The following TMEM39A variants were observed in gnomAD, a reference collection of about 807,000 sequenced individuals.
The protein encoded by TMEM39A is suppressor of SQST-1 aggregates in rpl-43 mutants.
Under a neutral mutation model 51.9 loss-of-function variants are expected in TMEM39A, and 19 were observed. The ratio of observed to expected loss-of-function variants is 0.37; its 90% CI spans 0.26 to 0.54. The LOEUF (loss-of-function observed/expected upper bound fraction) is 0.54, where lower values mean the gene tolerates loss of function less well. Ranked by LOEUF, TMEM39A falls within the 20% of genes least tolerant of loss-of-function variation. The pLI, the probability that TMEM39A is intolerant of heterozygous loss-of-function variation, is 0.88. For synonymous variants in TMEM39A, 197 were observed against 220.2 expected, an observed-to-expected ratio of 0.89 and a Z score of 0.93; for missense variants, 433 against 590.5, an observed-to-expected ratio of 0.73 and a Z score of 2.76.
At chr3:119,434,725 C>T (rs1358512117) in intron 8 of TMEM39A, 37 bp downstream of exon 8, 19 of 1,610,902 alleles carry the variant, frequency 1.2e-5, no homozygotes, top group Non-Finnish European at 1.6e-5. Context: ...ACACTTACCC[C>T]TAAGCTTATG....
At chr3:119,442,374 T>C (rs1236738526) in intron 5 of TMEM39A, among the ~76,000 whole-genome samples, 4 of 151,820 alleles carry the variant, frequency 2.6e-5, no homozygotes, top group Non-Finnish European at 5.9e-5. Context: ...TTACTGCTCA[T>C]TGACAGTGTA....
At chr3:119,446,649 A>G (rs2081129301) in intron 5 of TMEM39A, 1 of 162,976 alleles carries the variant, frequency 6.1e-6, no homozygotes. Flanking sequence ...GATCAAAGTA[A>G]TATGACCAAC....
chr3:119,440,999 T>C (rs988356207), intron 5 of TMEM39A, among the ~76,000 whole-genome samples: 4 of 152,214 alleles, frequency 2.6e-5, no homozygotes, highest in Non-Finnish European at 5.9e-5. Context: ...ATCTTTGATA[T>C]TACTACTGTA....
chr3:119,455,720 T>C (rs61324063), intron 3 of TMEM39A, among the ~76,000 whole-genome samples: 2,988 of 152,294 alleles, frequency 0.02, 81 homozygotes, highest in African/African-American at 0.067. Context: ...GCAGTATTTG[T>C]AGGTGACTTT....
At chr3:119,454,515 G>A (rs897065340) in intron 3 of TMEM39A, among the ~76,000 whole-genome samples, 3 of 152,168 alleles carry the variant, frequency 2.0e-5, no homozygotes, top group Non-Finnish European at 4.4e-5. Flanking sequence ...ATATTGGCCG[G>A]GTGCGGTGGC....
At chr3:119,462,808 G>C (rs2081357407) in intron 1 of TMEM39A, among the ~76,000 whole-genome samples, 1 of 150,978 alleles carries the variant, frequency 6.6e-6, no homozygotes. Context: ...GGGGATGCCC[G>C]CTCCAGAAAA....
chr3:119,449,786 A>G (rs1396631578), intron 4 of TMEM39A, among the ~76,000 whole-genome samples: 3 of 152,180 alleles, frequency 2.0e-5, no homozygotes, highest in Non-Finnish European at 4.4e-5. Context: ...TGGTGAAAAA[A>G]CAGCTAAATT....
At chr3:119,443,435 C>A (rs1057227309) in intron 5 of TMEM39A, among the ~76,000 whole-genome samples, 2 of 152,136 alleles carry the variant, frequency 1.3e-5, no homozygotes, top group African/African-American at 4.8e-5. Flanking sequence ...ACAAAGCCAT[C>A]CCAACCTTCA....
rs1167743400 is a variant in TMEM39A, at chr3:119,431,259, T to C, written c.*722A>G. The C allele has an allele frequency of 6.6e-6, 1 of 152,114 alleles. No individual in the cohort carries two copies. The highest frequency in any genetic ancestry group is 1.5e-5 in the Non-Finnish European group (1 of 67,998). The allele number at this position is 152,114 out of a possible 1,614,324, so 9.4% of individuals were successfully genotyped here. A position where few individuals can be genotyped will look rare whatever the true frequency, so the allele number is the denominator to read the frequency against. The stretch of plus-strand genomic sequence containing the variant: ...ATCCAGCCACACATCATCTTCTTCA[T>C]GAATGTGGGCAGTCTAAAGACTTCC... On this transcript the variant is annotated 3_prime_UTR_variant, in exon 9 of 9. Transcript: ENST00000319172.
chr3:119,447,278 C>A, intron 4 of TMEM39A, 106 bp from the exon 5 acceptor site: 2 of 1,173,488 alleles, frequency 1.7e-6, no homozygotes, highest in African/African-American at 1.6e-5. Flanking sequence ...TAAAATGTGT[C>A]TTTAAAAAGT....
chr3:119,441,679 G>A (rs1560012130), intron 5 of TMEM39A, among the ~76,000 whole-genome samples: 1 of 152,196 alleles, frequency 6.6e-6, no homozygotes, highest in Non-Finnish European at 1.5e-5. Flanking sequence ...ACCTAGCTAA[G>A]ATCACTGATG....
chr3:119,437,536 A>AAG (rs1047617148), intron 6 of TMEM39A, among the ~76,000 whole-genome samples: 1 of 151,576 alleles, frequency 6.6e-6, no homozygotes, highest in African/African-American at 2.4e-5. Context: ...AAAAAAAAAA[A>AAG]AAAAGAAAAA....
chr3:119,431,433 G>A lies in TMEM39A; in HGVS notation c.*548C>T, dbSNP rs2080898657. 6.6e-6 allele frequency: 1 copy of A among 152,232 alleles called. No homozygotes were observed. The highest frequency in any genetic ancestry group is 1.5e-5 in the Non-Finnish European group (1 of 68,082). The allele number at this position is 152,232 out of a possible 1,614,324, so 9.4% of individuals were successfully genotyped here. On this transcript the variant is annotated 3_prime_UTR_variant, in exon 9 of 9. Coordinates refer to ENST00000319172, the MANE Select transcript of TMEM39A (RefSeq NM_018266.3). ...AAATGTCACAGGGTAAAATAGACCA[G>A]CTGAGTCCGTATCTTAGAAAGGAAG...
intron 5 of TMEM39A, 45 bp from the exon 6 acceptor site, chr3:119,438,148 A>C: frequency 1.4e-6 from 2 of 1,441,780 alleles, no homozygotes; most frequent in Non-Finnish European, 1.9e-6. Flanking sequence ...ACCACCTAAA[A>C]TCACACCTTA....
chr3:119,436,429 G>A (rs1405255423), intron 7 of TMEM39A, among the ~76,000 whole-genome samples: 2 of 152,184 alleles, frequency 1.3e-5, no homozygotes, highest in African/African-American at 2.4e-5. Flanking sequence ...CTCAGCTGTG[G>A]CAATGAAGAT....
chr3:119,459,228 C>T (rs1246019555), intron 2 of TMEM39A, among the ~76,000 whole-genome samples: 1 of 152,210 alleles, frequency 6.6e-6, no homozygotes, highest in East Asian at 1.9e-4. Context: ...ACTAGAGTGG[C>T]TCACTGTGCC....
chr3:119,455,038 C>T (rs1245649001), intron 3 of TMEM39A, among the ~76,000 whole-genome samples: 1 of 152,094 alleles, frequency 6.6e-6, no homozygotes, highest in Admixed American at 6.6e-5. Context: ...ATTCAGGTGT[C>T]CACATTTTCT....
At position 119,458,043 on chromosome 3, in the gene TMEM39A, T is replaced by G. The variant is rs199861750; in HGVS notation, c.311A>C (p.Asn104Thr). 153 of 1,613,974 alleles carry G rather than the reference T, an allele frequency of 9.5e-5. No homozygotes were observed. The East Asian group carries it at 3.0e-3, about 32-fold the overall frequency. The change falls in exon 3 of 9, where the codon AAT becomes ACT. Residue 104 changes from asparagine to threonine, a missense_variant. Coordinates refer to ENST00000319172, the MANE Select transcript of TMEM39A (RefSeq NM_018266.3). Reference sequence around the variant, plus strand: ...CAGTGATGTACAAGAAGCAGGATGATTGTAAGGATACCACCACACTGTTTT... The same window carrying G: ...CAGTGATGTACAAGAAGCAGGATGAGTGTAAGGATACCACCACACTGTTTT... The part of the protein sequence containing the change: ...IYKTVWWYPY[N>T]HPASCTSLNF...
chr3:119,434,248 T>C (rs542712391), intron 8 of TMEM39A, among the ~76,000 whole-genome samples: 1 of 152,204 alleles, frequency 6.6e-6, no homozygotes, highest in East Asian at 1.9e-4. Flanking sequence ...TATTGCTTTT[T>C]CCTTTTTTAA....
Sources: gnomAD v4.1 joint callset for allele counts (sites outside exome capture counted in the v4.1 genomes callset) on GRCh38, gnomAD v4.1.1 for gene constraint, MANE v1.5 for transcripts, NCBI Gene and HGNC (gene_info 2026-07-23, HGNC 2026-07-21) for gene names.